ARFIP1: variants seen among roughly 807,000 people sequenced by gnomAD.
ARFIP1 encodes the protein arfaptin-1.
A neutral mutation model predicts 42.5 loss-of-function variants in ARFIP1; 24 were observed. That is an observed-to-expected ratio of 0.57 (90% CI 0.41 to 0.80). The LOEUF (loss-of-function observed/expected upper bound fraction) is 0.80, where lower values mean the gene tolerates loss of function less well. Ranked by LOEUF, ARFIP1 falls within the 30% of genes least tolerant of loss-of-function variation. The pLI is 0.00. For missense variants in ARFIP1, 354 were observed against 434.0 expected (o/e 0.82, Z 1.64); for synonymous variants, 141 against 153.7 (o/e 0.92, Z 0.61).
intron 3 of ARFIP1, among the ~76,000 whole-genome samples, chr4:152,866,223 A>C (rs898466188): frequency 7.2e-5 from 11 of 152,146 alleles, no homozygotes; most frequent in Non-Finnish European, 1.0e-4. Context: ...AGGCAGAAGA[A>C]TTTTTCTTAG....
At chr4:152,837,811 T>C (rs1352200245) in intron 2 of ARFIP1, among the ~76,000 whole-genome samples, 1 of 152,198 alleles carries the variant, frequency 6.6e-6, no homozygotes, top group African/African-American at 2.4e-5. Flanking sequence ...TTTGTTTTTA[T>C]TGCATTTGCT....
At chr4:152,804,493 T>TATA (rs1242440520) in intron 1 of ARFIP1, among the ~76,000 whole-genome samples, 3 of 125,462 alleles carry the variant, frequency 2.4e-5, no homozygotes, top group Admixed American at 1.0e-4. Flanking sequence ...ATTATTTATA[T>TATA]ATATATAATA....
intron 2 of ARFIP1, among the ~76,000 whole-genome samples, chr4:152,854,207 T>C (rs4388068): frequency 0.38 from 57,758 of 151,948 alleles, 12,047 homozygotes; most frequent in Admixed American, 0.49. Context: ...GCCACCGCAC[T>C]CAGCCAAGTT....
chr4:152,853,104 T>A (rs959716202), intron 2 of ARFIP1, among the ~76,000 whole-genome samples: 8 of 152,246 alleles, frequency 5.3e-5, no homozygotes, highest in Non-Finnish European at 1.5e-5. Context: ...TTTATTGATA[T>A]GTTTTGTTGT....
chr4:152,850,951 CTTT>C (rs975892573), intron 2 of ARFIP1, among the ~76,000 whole-genome samples: 1 of 152,156 alleles, frequency 6.6e-6, no homozygotes, highest in African/African-American at 2.4e-5. Context: ...CTGGCAGATA[CTTT>C]TTATAGACAG....
intron 8 of ARFIP1, among the ~76,000 whole-genome samples, chr4:152,893,314 C>T (rs1215109149): frequency 6.6e-6 from 1 of 152,150 alleles, no homozygotes; most frequent in Non-Finnish European, 1.5e-5. Context: ...CATAGTCTCT[C>T]AGAAATGCTT....
At chr4:152,811,422 G>C (rs953942983) in intron 1 of ARFIP1, among the ~76,000 whole-genome samples, 1 of 152,126 alleles carries the variant, frequency 6.6e-6, no homozygotes, top group African/African-American at 2.4e-5. Context: ...TTTTATAGAA[G>C]AGAGATCATT....
intron 1 of ARFIP1, among the ~76,000 whole-genome samples, chr4:152,785,123 TG>T (rs1730724189): frequency 1.3e-5 from 2 of 151,894 alleles, no homozygotes; most frequent in South Asian, 4.1e-4. Flanking sequence ...AGCTGTGGAG[TG>T]GGGGAATGGG....
At chr4:152,784,020 A>G (rs190123292) in intron 1 of ARFIP1, among the ~76,000 whole-genome samples, 331 of 152,354 alleles carry the variant, frequency 2.2e-3, no homozygotes, top group African/African-American at 7.7e-3. Flanking sequence ...GGAAGTATAA[A>G]TAAATTTTAG....
At chr4:152,857,603 A>G (rs896177150) in intron 2 of ARFIP1, among the ~76,000 whole-genome samples, 3 of 152,228 alleles carry the variant, frequency 2.0e-5, no homozygotes, top group African/African-American at 7.2e-5. Flanking sequence ...CATTAATTTC[A>G]GTTAGCACAG....
At chr4:152,831,922 C>T (rs1227687571) in intron 2 of ARFIP1, among the ~76,000 whole-genome samples, 1 of 151,900 alleles carries the variant, frequency 6.6e-6, no homozygotes, top group East Asian at 1.9e-4. Context: ...TAATGCTCTC[C>T]CTCCCTTTGC....
At chr4:152,822,293 C>A in intron 1 of ARFIP1, among the ~76,000 whole-genome samples, 3 of 52,496 alleles carry the variant, frequency 5.7e-5, no homozygotes, top group Admixed American at 2.1e-4. Flanking sequence ...AAAGCAACAG[C>A]AGTAAAAAAA....
At chr4:152,904,131 G>A (rs552637121) in intron 8 of ARFIP1, among the ~76,000 whole-genome samples, 2 of 148,940 alleles carry the variant, frequency 1.3e-5, no homozygotes, top group East Asian at 3.9e-4. Context: ...GTGCCATGAT[G>A]GTTTGCTGCA....
intron 1 of ARFIP1, among the ~76,000 whole-genome samples, chr4:152,805,863 C>T (rs1365531086): frequency 6.6e-6 from 1 of 152,228 alleles, no homozygotes; most frequent in East Asian, 1.9e-4. Context: ...CACAAACAAT[C>T]TGGCTTCAGA....
chr4:152,897,414 A>G (rs1299879523), intron 8 of ARFIP1, among the ~76,000 whole-genome samples: 1 of 152,120 alleles, frequency 6.6e-6, no homozygotes, highest in East Asian at 1.9e-4. Context: ...TCCAGGAAGG[A>G]TAGCTTTATA....
chr4:152,890,771 G>T (rs1289991747), intron 8 of ARFIP1, among the ~76,000 whole-genome samples: 1 of 152,128 alleles, frequency 6.6e-6, no homozygotes, highest in Non-Finnish European at 1.5e-5. Context: ...TTAGAGTTTG[G>T]ATGAACAGGG....
At chr4:152,866,620 G>A (rs924141469) in intron 3 of ARFIP1, among the ~76,000 whole-genome samples, 2 of 151,644 alleles carry the variant, frequency 1.3e-5, no homozygotes, top group Non-Finnish European at 2.9e-5. Context: ...TGGACGGGGC[G>A]GCTGTCCTGG....
intron 1 of ARFIP1, among the ~76,000 whole-genome samples, chr4:152,786,305 G>A (rs536017926): frequency 5.8e-4 from 89 of 152,258 alleles, no homozygotes; most frequent in African/African-American, 2.1e-3. Context: ...CTCAAATCCA[G>A]TATGTCTAAA....
intron 7 of ARFIP1, among the ~76,000 whole-genome samples, chr4:152,887,708 C>G (rs1173347543): frequency 1.3e-5 from 2 of 152,000 alleles, no homozygotes; most frequent in African/African-American, 4.8e-5. Context: ...GCATTGCTAA[C>G]CCAGACTTTT....
Sources: allele counts gnomAD v4.1 joint callset (sites outside exome capture counted in the v4.1 genomes callset), GRCh38; gene constraint gnomAD v4.1.1; transcripts MANE v1.5; gene names NCBI Gene and HGNC (gene_info 2026-07-23, HGNC 2026-07-21).